The following RAB3IP variants were observed in gnomAD, a reference collection of about 807,000 sequenced individuals.
RAB3IP encodes the protein rab-3A-interacting protein.
Under a neutral mutation model 59.1 loss-of-function variants are expected in RAB3IP, and 36 were observed. The ratio of observed to expected loss-of-function variants is 0.61; its 90% CI spans 0.47 to 0.80. RAB3IP has a LOEUF of 0.80. RAB3IP is among the 30% of genes least tolerant of loss of function. RAB3IP has a pLI of 0.00. For synonymous variants in RAB3IP, 207 were observed against 191.2 expected (o/e 1.08, Z -0.68); for missense variants, 511 against 536.0 (o/e 0.95, Z 0.46).
chr12:69,751,250 T>G (rs1329025167), intron 1 of RAB3IP, among the ~76,000 whole-genome samples: 1 of 152,150 alleles, frequency 6.6e-6, no homozygotes, highest in Non-Finnish European at 1.5e-5. Context: ...CCGTTTTTGG[T>G]TAGTGGGAGT....
At chr12:69,772,488 TCTGA>T (rs573034475) in intron 3 of RAB3IP, among the ~76,000 whole-genome samples, 6 of 152,314 alleles carry the variant, frequency 3.9e-5, no homozygotes, top group South Asian at 4.1e-4. Flanking sequence ...TTCCTTCCAC[TCTGA>T]CTGTCTTCCT....
intron 4 of RAB3IP, among the ~76,000 whole-genome samples, chr12:69,786,859 T>C (rs1445558199): frequency 6.6e-6 from 1 of 152,210 alleles, no homozygotes; most frequent in Admixed American, 6.5e-5. Flanking sequence ...TAACCTTTTC[T>C]AACCCAGTGG....
At chr12:69,739,473 C>G (rs1480809062) in intron 1 of RAB3IP, 6 of 230,912 alleles carry the variant, frequency 2.6e-5, no homozygotes, top group Non-Finnish European at 4.2e-5. Context: ...AGAGAGTTCC[C>G]GAACAAGTCG....
At chr12:69,779,822 A>T (rs570002166) in intron 3 of RAB3IP, among the ~76,000 whole-genome samples, 242 of 152,180 alleles carry the variant, frequency 1.6e-3, no homozygotes, top group African/African-American at 5.0e-3. Context: ...ACACATCTCC[A>T]TCTTTTTAGG....
intron 1 of RAB3IP, among the ~76,000 whole-genome samples, chr12:69,747,331 T>TGTGTGTGAGA (rs1165639333): frequency 9.3e-5 from 8 of 86,008 alleles, no homozygotes; most frequent in African/African-American, 3.0e-4. Flanking sequence ...TGTGTGTGTG[T>TGTGTGTGAGA]GAGAGAGAGA....
chr12:69,810,595 G>A (rs74101335), intron 8 of RAB3IP, among the ~76,000 whole-genome samples: 6 of 151,972 alleles, frequency 3.9e-5, no homozygotes, highest in Non-Finnish European at 8.8e-5. Flanking sequence ...AACAACTGAA[G>A]GCCTAGAAAC....
chr12:69,769,396 A>G (rs1392909549), intron 3 of RAB3IP, among the ~76,000 whole-genome samples: 1 of 152,188 alleles, frequency 6.6e-6, no homozygotes, highest in African/African-American at 2.4e-5. Flanking sequence ...TTCAGCCAGG[A>G]TAGGGAACCC....
chr12:69,781,127 A>T (rs563682176), intron 3 of RAB3IP, among the ~76,000 whole-genome samples: 13 of 152,210 alleles, frequency 8.5e-5, no homozygotes, highest in African/African-American at 2.6e-4. Context: ...TTTGGTTTTT[A>T]AAAATAATAT....
rs1878162490 is a variant in RAB3IP, at chr12:69,800,233, T to C, written c.913T>C (p.Phe305Leu). The C allele has an allele frequency of 6.4e-7, 1 of 1,564,026 alleles. No homozygotes were observed. Among genetic ancestry groups the C allele is most frequent in the African/African-American group, 1.4e-5 (1 of 72,196 alleles). ...GGCTGACTTATCCTTGTATAATGAA[T>C]TCCGATTGTGGAAGGATGAGCCCAC... ...KEADLSLYNEFRLWKDEPTMD... is the reference protein window; with the variant it reads ...KEADLSLYNELRLWKDEPTMD... Residue 305 changes from phenylalanine to leucine, a missense_variant, in exon 7 of 11, where the codon TTC becomes CTC. Transcript: ENST00000247833.
At chr12:69,804,578 T>C (rs1279324974) in intron 8 of RAB3IP, among the ~76,000 whole-genome samples, 1 of 152,250 alleles carries the variant, frequency 6.6e-6, no homozygotes. Flanking sequence ...TCCATGCCTA[T>C]GTCCTGAATG....
chr12:69,806,049 TTG>T (rs1238379427), intron 8 of RAB3IP, among the ~76,000 whole-genome samples: 1 of 152,238 alleles, frequency 6.6e-6, no homozygotes, highest in Non-Finnish European at 1.5e-5. Context: ...TTTCTATTTA[TTG>T]GAATAGTTTC....
At chr12:69,750,720 GTCTT>G (rs1244901716) in intron 1 of RAB3IP, among the ~76,000 whole-genome samples, 1 of 138,088 alleles carries the variant, frequency 7.2e-6, no homozygotes, top group Non-Finnish European at 1.6e-5. Flanking sequence ...TTGATTTGGG[GTCTT>G]TCTTTTTTTT....
intron 3 of RAB3IP, 123 bp from the exon 4 acceptor site, chr12:69,784,597 A>G (rs1162007967): frequency 2.6e-5 from 11 of 415,502 alleles, no homozygotes; most frequent in Non-Finnish European, 4.1e-5. Flanking sequence ...AATACTTTCA[A>G]TGTGAACATT....
chr12:69,818,289 A>G lies in RAB3IP; in HGVS notation c.*2843A>G, dbSNP rs913394860. The G allele has an allele frequency of 6.6e-6, 1 of 152,126 alleles. No individual in the cohort carries two copies. Among genetic ancestry groups the G allele is most frequent in the African/African-American group, 2.4e-5 (1 of 41,420 alleles). 9.4% of individuals were successfully genotyped at this position (152,126 alleles called of 1,614,324 possible). On this transcript the variant is annotated 3_prime_UTR_variant, in exon 11 of 11. Coordinates refer to ENST00000247833, the MANE Select transcript of RAB3IP (RefSeq NM_022456.5). ...AGGGAGACCACATCTGCACAAAAAG[A>G]TTTTTTTGAATTAGCTGGGCATGGT...
At chr12:69,771,672 G>C (rs567143145) in intron 3 of RAB3IP, among the ~76,000 whole-genome samples, 63 of 152,274 alleles carry the variant, frequency 4.1e-4, no homozygotes, top group African/African-American at 1.5e-3. Flanking sequence ...ATTCCCAGTA[G>C]TGGAATTGCT....
At chr12:69,770,003 C>A (rs1042791200) in intron 3 of RAB3IP, among the ~76,000 whole-genome samples, 4 of 152,092 alleles carry the variant, frequency 2.6e-5, no homozygotes, top group African/African-American at 9.7e-5. Flanking sequence ...AAAAGGATCT[C>A]ACTGTGATAT....
chr12:69,791,686 G>C (rs1337127765), intron 4 of RAB3IP, among the ~76,000 whole-genome samples: 1 of 152,210 alleles, frequency 6.6e-6, no homozygotes, highest in Non-Finnish European at 1.5e-5. Flanking sequence ...CAAGGATGTG[G>C]AGAAAAGGAA....
intron 1 of RAB3IP, among the ~76,000 whole-genome samples, chr12:69,743,000 T>A (rs2136094840): frequency 6.6e-6 from 1 of 152,358 alleles, no homozygotes; most frequent in African/African-American, 2.4e-5. Context: ...TTGATGCTTG[T>A]CGTTAACAGT....
At chr12:69,752,474 A>T (rs1426328869) in intron 1 of RAB3IP, among the ~76,000 whole-genome samples, 1 of 152,096 alleles carries the variant, frequency 6.6e-6, no homozygotes, top group East Asian at 1.9e-4. Flanking sequence ...GTGCTTCATT[A>T]TGAGGATGTA....
Sources: gnomAD v4.1 joint callset for allele counts (sites outside exome capture counted in the v4.1 genomes callset) on GRCh38, gnomAD v4.1.1 for gene constraint, MANE v1.5 for transcripts, NCBI Gene and HGNC (gene_info 2026-07-23, HGNC 2026-07-21) for gene names.